Variants in SLC25A30 observed in about 807,000 individuals in gnomAD.
SLC25A30 encodes the protein kidney mitochondrial carrier protein 1.
A neutral mutation model predicts 42.7 loss-of-function variants in SLC25A30; 29 were observed. That is an observed-to-expected ratio of 0.68 (90% CI 0.51 to 0.93). The LOEUF (loss-of-function observed/expected upper bound fraction) is 0.93, where lower values mean the gene tolerates loss of function less well. Among genes scored for constraint, SLC25A30 ranks in the 40% least tolerant of loss-of-function variants. SLC25A30 has a pLI of 0.00. For synonymous variants in SLC25A30, 124 were observed against 131.0 expected, an observed-to-expected ratio of 0.95 and a Z score of 0.37; for missense variants, 300 against 359.7, an observed-to-expected ratio of 0.83 and a Z score of 1.34.
chr13:45,396,436 G>T, intron 9 of SLC25A30: 2 of 726,100 alleles, frequency 2.8e-6, no homozygotes, highest in East Asian at 9.3e-5. Context: ...CAAGAGGACA[G>T]CAAAAGCCAG....
At chr13:45,419,879 G>A (rs1230050118), upstream of SLC25A30, among the ~76,000 whole-genome samples, 2 of 151,800 alleles carry the variant, frequency 1.3e-5, no homozygotes, top group African/African-American at 2.4e-5. Context: ...GAGGTGAGCC[G>A]AGATCACGCC....
rs114188430 is a variant in SLC25A30, at chr13:45,402,601, C to T, written c.394-231G>A. Among the ~76,000 whole-genome samples the T allele has an allele frequency of 5.7e-3, 873 of 152,276 alleles. 10 individuals carry two copies. The highest frequency in any genetic ancestry group is 0.02 in the African/African-American group (824 of 41,542). Reference sequence around the variant, plus strand: ...AAAAGCATCTAAGAGAGTCCAGAGTCCTACGTACAGCAGTTCATTAAATGT... The same window carrying T: ...AAAAGCATCTAAGAGAGTCCAGAGTTCTACGTACAGCAGTTCATTAAATGT... On this transcript the variant is annotated intron_variant, in intron 5 of 9. Coordinates refer to ENST00000519676, the MANE Select transcript of SLC25A30 (RefSeq NM_001010875.4).
intron 3 of SLC25A30, among the ~76,000 whole-genome samples, chr13:45,408,712 T>G (rs2137670221): frequency 6.6e-6 from 1 of 152,344 alleles, no homozygotes; most frequent in African/African-American, 2.4e-5. Flanking sequence ...TGTCTGTACT[T>G]GAATATAGTA....
chr13:45,425,099 T>TATATACATATATAG, the SLC25A30 span, among the ~76,000 whole-genome samples: 1 of 58,466 alleles, frequency 1.7e-5, no homozygotes, highest in African/African-American at 7.1e-5. Flanking sequence ...AATATATTTA[T>TATATACATATATAG]AAATATATAA....
chr13:45,409,695 G>T (rs1432881039), intron 2 of SLC25A30, among the ~76,000 whole-genome samples: 1 of 152,100 alleles, frequency 6.6e-6, no homozygotes, highest in Non-Finnish European at 1.5e-5. Flanking sequence ...TGTAACCCCA[G>T]CTACTCAGGA....
At chr13:45,416,641 C>T (rs1266391092) in intron 1 of SLC25A30, among the ~76,000 whole-genome samples, 3 of 151,990 alleles carry the variant, frequency 2.0e-5, no homozygotes, top group Non-Finnish European at 2.9e-5. Context: ...TATGGTGGTA[C>T]GCGACTCTAG....
chr13:45,425,090 A>G, the SLC25A30 span, among the ~76,000 whole-genome samples: 245 of 2,498 alleles, frequency 0.098, 2 homozygotes, highest in Non-Finnish European at 0.23. Flanking sequence ...AAATATATAA[A>G]TATATTTATA....
In SLC25A30 at chr13:45,398,984, C is replaced by G. The variant is rs1354960717; in HGVS notation, c.709G>C (p.Gly237Arg). ...GTTCCTGTGTAGCCAGAACATCTGC[C>G]ATCTCGAAGCACTCTCTGATTCATC... ...RMMNQRVLRD[G>R]RCSGYTGTLD... Residue 237 changes from glycine to arginine, a missense_variant, in exon 8 of 10, where the codon GGC becomes CGC. Coordinates refer to ENST00000519676, the MANE Select transcript of SLC25A30 (RefSeq NM_001010875.4). 1 of 1,614,114 alleles carries G rather than the reference C, an allele frequency of 6.2e-7. No individual in the cohort carries two copies. The highest frequency in any genetic ancestry group is 1.3e-5 in the African/African-American group (1 of 75,020).
chr13:45,395,280 C>G lies in SLC25A30; in HGVS notation c.*694G>C. The G allele has an allele frequency of 1.0e-6, 1 of 985,838 alleles. No homozygotes were observed. 61.1% of individuals were successfully genotyped at this position (985,838 alleles called of 1,614,324 possible). A position where few individuals can be genotyped will look rare whatever the true frequency, so the allele number is the denominator to read the frequency against. Reference sequence around the variant, plus strand: ...TGCTTGAAAACACCCCCCACCAATACAGACCTTGCAACCTTCAAAGCCAAC... The same window carrying G: ...TGCTTGAAAACACCCCCCACCAATAGAGACCTTGCAACCTTCAAAGCCAAC... On this transcript the variant is annotated 3_prime_UTR_variant, in exon 10 of 10. Transcript: ENST00000519676.
upstream of SLC25A30, among the ~76,000 whole-genome samples, chr13:45,423,098 T>C (rs1883930672): frequency 6.6e-6 from 1 of 152,138 alleles, no homozygotes; most frequent in African/African-American, 2.4e-5. Context: ...TACTGTATTC[T>C]TAGTGCTCAG....
intron 1 of SLC25A30, among the ~76,000 whole-genome samples, chr13:45,412,456 G>A (rs948655617): frequency 1.3e-4 from 19 of 151,936 alleles, no homozygotes; most frequent in Admixed American, 8.5e-4. Flanking sequence ...GCCTTATTAC[G>A]TTACCAGCTG....
chr13:45,425,541 T>TATATATAA, the SLC25A30 span, among the ~76,000 whole-genome samples: 66 of 58,648 alleles, frequency 1.1e-3, 1 homozygote, highest in Non-Finnish European at 1.4e-3. Context: ...TGTATAAGTA[T>TATATATAA]ATATATATAA....
Position 45,402,358 on chromosome 13 carries a change from C to T in SLC25A30, c.406G>A (p.Ala136Thr). Residue 136 changes from alanine (A) to threonine (T), a missense_variant, in exon 6 of 10, where the codon GCG becomes ACG. Ala to Thr is a moderately conservative substitution (Grantham distance 58, BLOSUM62 0). Transcript: ENST00000519676. ...PTDVLKIRMQ[A>T]QSNTIQGGMI... ...CCTCCTTGAATGGTGTTGCTTTGCG[C>T]TTGCATCCGAATCTAGAGATTATTT... The T allele has an allele frequency of 3.1e-6, 5 of 1,613,824 alleles. No individual in the cohort carries two copies. The highest frequency in any genetic ancestry group is 4.2e-6 in the Non-Finnish European group (5 of 1,179,800).
Position 45,396,027 on chromosome 13 carries a change from G to T in SLC25A30, c.835-12C>A. ...TATGTCACAAAGAACTGTGGTTATG[G>T]GTTAAGGATGACACAGAAAATGCCA... is the stretch of plus-strand genomic sequence containing the variant. On this transcript the variant is annotated splice_polypyrimidine_tract_variant and intron_variant, in intron 9 of 9. Transcript: ENST00000519676. 6.2e-7 allele frequency: 1 copy of T among 1,614,096 alleles called. No individual in the cohort carries two copies. Among genetic ancestry groups the T allele is most frequent in the Non-Finnish European group, 8.5e-7 (1 of 1,180,018 alleles).
chr13:45,405,466 G>A (rs1382539454), intron 4 of SLC25A30, among the ~76,000 whole-genome samples: 1 of 152,210 alleles, frequency 6.6e-6, no homozygotes, highest in Non-Finnish European at 1.5e-5. Context: ...AAGATGGACA[G>A]TTCTATGGAT....
the SLC25A30 span, among the ~76,000 whole-genome samples, chr13:45,426,197 CTGCCTCAGCCTCCT>C: frequency 6.6e-6 from 1 of 151,902 alleles, no homozygotes; most frequent in Non-Finnish European, 1.5e-5. Context: ...AGCAATTCTC[CTGCCTCAGCCTCCT>C]GAGTGGCTGG....
chr13:45,433,228 G>T, the SLC25A30 span, among the ~76,000 whole-genome samples: 2 of 152,146 alleles, frequency 1.3e-5, no homozygotes, highest in Non-Finnish European at 2.9e-5. Context: ...TCCAAGAGAT[G>T]AAATAAATGG....
the SLC25A30 span, among the ~76,000 whole-genome samples, chr13:45,428,170 T>C: frequency 6.6e-6 from 1 of 152,132 alleles, no homozygotes; most frequent in Admixed American, 6.6e-5. Context: ...CTGCCATTTA[T>C]ACCCTTCTCC....
chr13:45,430,238 G>A, the SLC25A30 span, among the ~76,000 whole-genome samples: 2 of 147,554 alleles, frequency 1.4e-5, no homozygotes, highest in African/African-American at 5.2e-5. Context: ...AAATGATAGT[G>A]AGAAACTGTG....
Sources: allele counts gnomAD v4.1 joint callset (sites outside exome capture counted in the v4.1 genomes callset), GRCh38; gene constraint gnomAD v4.1.1; transcripts MANE v1.5; gene names NCBI Gene and HGNC (gene_info 2026-07-23, HGNC 2026-07-21).